ATP10A: variants seen among roughly 807,000 people sequenced by gnomAD.
ATP10A encodes phospholipid-transporting ATPase VA.
ATP10A carries 111 observed loss-of-function variants against 147.8 expected under a neutral mutation model. The observed-to-expected ratio is 0.75, with a 90% CI of 0.64 to 0.88. The LOEUF (loss-of-function observed/expected upper bound fraction) is 0.88. Ranked by LOEUF, ATP10A falls within the 40% of genes least tolerant of loss-of-function variation. ATP10A has a pLI of 0.00. For missense variants in ATP10A, 1,927 were observed against 1,959.0 expected (o/e 0.98, Z 0.31); for synonymous variants, 875 against 841.6 (o/e 1.04, Z -0.69).
intron 8 of ATP10A, 137 bp from the exon 9 acceptor site, chr15:25,717,061 T>C: frequency 1.8e-6 from 1 of 544,868 alleles, no homozygotes; most frequent in Non-Finnish European, 2.8e-6. Flanking sequence ...TATGTCATTT[T>C]ATAATTGTAA....
At chr15:25,681,126 G>A in intron 17 of ATP10A, 52 bp from the exon 18 acceptor site, 1 of 1,551,214 alleles carries the variant, frequency 6.4e-7, no homozygotes, top group Non-Finnish European at 8.8e-7. Context: ...GGCATCCTCT[G>A]TGAAAGCAGT....
chr15:25,760,268 CA>C (rs1233168206), intron 2 of ATP10A, among the ~76,000 whole-genome samples: 5 of 152,154 alleles, frequency 3.3e-5, no homozygotes, highest in Admixed American at 3.3e-4. Context: ...GAAGCACTGT[CA>C]AAACATGGAA....
chr15:25,809,199 C>T (rs1313612507), intron 1 of ATP10A, among the ~76,000 whole-genome samples: 2 of 152,050 alleles, frequency 1.3e-5, no homozygotes, highest in East Asian at 3.9e-4. Context: ...AAGCCACCAC[C>T]AGAAAGAGCC....
chr15:25,681,575 G>A (rs991728809), intron 17 of ATP10A, among the ~76,000 whole-genome samples: 1 of 152,166 alleles, frequency 6.6e-6, no homozygotes, highest in Non-Finnish European at 1.5e-5. Flanking sequence ...GATGCTACAC[G>A]TAAGTTAATG....
At position 25,853,088 on chromosome 15, in the gene ATP10A, G is replaced by A. The variant is rs75510512; in HGVS notation, c.449+9560C>T. Among the ~76,000 whole-genome samples, 1,448 of 152,276 alleles carry A rather than the reference G, an allele frequency of 9.5e-3. 48 individuals carry two copies. Among genetic ancestry groups the A allele is most frequent in the Admixed American group, 0.06 (914 of 15,292 alleles). ...ATAAAAATAGTTTGGTAGGCAAAAT[G>A]TTCCAAAATACAGTATCCCCAGTGG... On this transcript the variant is annotated intron_variant, in intron 1 of 20. Coordinates refer to ENST00000555815, the MANE Select transcript of ATP10A (RefSeq NM_024490.4).
intron 2 of ATP10A, among the ~76,000 whole-genome samples, chr15:25,757,049 T>C (rs1469261174): frequency 6.6e-6 from 1 of 152,244 alleles, no homozygotes; most frequent in Non-Finnish European, 1.5e-5. Context: ...AAAAATCTTT[T>C]TGGTAACTTA....
chr15:25,731,330 A>G (rs1398738166), intron 3 of ATP10A, among the ~76,000 whole-genome samples: 6 of 152,246 alleles, frequency 3.9e-5, no homozygotes, highest in African/African-American at 1.2e-4. Flanking sequence ...AAGACATAAC[A>G]ATTATAAATA....
intron 2 of ATP10A, among the ~76,000 whole-genome samples, chr15:25,764,987 G>A (rs570731547): frequency 1.3e-5 from 2 of 152,316 alleles, no homozygotes; most frequent in East Asian, 1.9e-4. Context: ...CGGCTGAAGC[G>A]TTTGTCTGTG....
Position 25,771,231 on chromosome 15 carries a change from T to A in ATP10A, c.654+9788A>T, listed in dbSNP as rs1001811597. ...ACAACATGCCCCCCGGGATCACTCA[T>A]GAGGACATTGTTTGCTGGCCACCCA... On this transcript the variant is annotated intron_variant, in intron 2 of 20. Coordinates refer to ENST00000555815, the MANE Select transcript of ATP10A (RefSeq NM_024490.4). Among the ~76,000 whole-genome samples, 7 of 152,090 alleles carry A rather than the reference T, an allele frequency of 4.6e-5. No individual in the cohort carries two copies. The East Asian group carries it at 1.2e-3, about 25-fold the overall frequency.
rs1218559393 is a variant in ATP10A at position 25,758,822 on chromosome 15, A to G, written c.654+22197T>C. Among the ~76,000 whole-genome samples the G allele has an allele frequency of 3.3e-5, 4 of 121,964 alleles. No homozygotes were observed. The Admixed American group carries it at 3.4e-4, about 10-fold the overall frequency. 80.0% of individuals were successfully genotyped at this position (121,964 alleles called of 152,430 possible). A position where few individuals can be genotyped will look rare whatever the true frequency, so the allele number is the denominator to read the frequency against. On this transcript the variant is annotated intron_variant, in intron 2 of 20. Coordinates refer to ENST00000555815, the MANE Select transcript of ATP10A (RefSeq NM_024490.4). ...TGCTCCACCCTAACTCATTCCGACC[A>G]CCTGCTCCACCCTAACTCATTCCGA...
At chr15:25,856,425 T>A (rs1364302788) in intron 1 of ATP10A, among the ~76,000 whole-genome samples, 1 of 152,196 alleles carries the variant, frequency 6.6e-6, no homozygotes, top group African/African-American at 2.4e-5. Context: ...CTGTTTTCTT[T>A]ATAAATTACC....
chr15:25,826,578 T>C (rs1401629573), intron 1 of ATP10A, among the ~76,000 whole-genome samples: 2 of 152,118 alleles, frequency 1.3e-5, no homozygotes, highest in African/African-American at 2.4e-5. Context: ...TGGAATCACC[T>C]GAGGTCAGGA....
Position 25,708,283 on chromosome 15 carries a change from G to A in ATP10A, c.2362C>T (p.His788Tyr). The change falls in exon 11 of 21, where the codon CAT becomes TAT. Residue 788 changes from histidine (H) to tyrosine (Y), a missense_variant. By Grantham distance (83) the His-to-Tyr change is moderately conservative (BLOSUM62 2). Transcript: ENST00000555815. ...GTTTTGCTCCGAATCTTTTTTTGAT[G>A]CCTCCCTCTGGCGTCAACTAGGTTG... is the stretch of plus-strand genomic sequence containing the variant. ...PCSSVDARGRHQKKIRSKTQN... is the reference protein window; with the variant it reads ...PCSSVDARGRYQKKIRSKTQN... 1 of 1,614,088 alleles carries A rather than the reference G, an allele frequency of 6.2e-7. No homozygotes were observed. Among genetic ancestry groups the A allele is most frequent in the South Asian group, 1.1e-5 (1 of 91,074 alleles).
chr15:25,859,263 C>G (rs947527306), intron 1 of ATP10A, among the ~76,000 whole-genome samples: 13 of 152,200 alleles, frequency 8.5e-5, no homozygotes, highest in Non-Finnish European at 1.6e-4. Context: ...GGATGCCCAC[C>G]CTGTTCCAGC....
At chr15:25,861,063 G>C (rs964318412) in intron 1 of ATP10A, among the ~76,000 whole-genome samples, 5 of 152,118 alleles carry the variant, frequency 3.3e-5, no homozygotes, top group Non-Finnish European at 7.4e-5. Flanking sequence ...CAGGCTTCTG[G>C]TGAACAGGGG....
At chr15:25,796,990 G>C (rs376608054) in intron 1 of ATP10A, among the ~76,000 whole-genome samples, 8 of 152,060 alleles carry the variant, frequency 5.3e-5, no homozygotes, top group African/African-American at 1.9e-4. Flanking sequence ...TTTCTGATGA[G>C]AACATTTAAA....
intron 1 of ATP10A, among the ~76,000 whole-genome samples, chr15:25,843,260 G>A (rs10162632): frequency 0.091 from 11,475 of 125,952 alleles, 878 homozygotes; most frequent in African/African-American, 0.23. Context: ...GTGTGATCTC[G>A]GCACTCCACC....
chr15:25,760,588 A>G (rs1190899413), intron 2 of ATP10A, among the ~76,000 whole-genome samples: 1 of 152,256 alleles, frequency 6.6e-6, no homozygotes, highest in Non-Finnish European at 1.5e-5. Context: ...ACAAGTATAT[A>G]GTTTCTAATA....
At chr15:25,740,123 A>G (rs1887504798) in intron 2 of ATP10A, among the ~76,000 whole-genome samples, 1 of 152,210 alleles carries the variant, frequency 6.6e-6, no homozygotes. Context: ...CCAACCTTGT[A>G]TTTCACATTT....
Sources: allele counts gnomAD v4.1 joint callset (sites outside exome capture counted in the v4.1 genomes callset), GRCh38; gene constraint gnomAD v4.1.1; transcripts MANE v1.5; gene names NCBI Gene and HGNC (gene_info 2026-07-23, HGNC 2026-07-21).